Variants in TXNL4A observed in about 807,000 individuals in gnomAD.
TXNL4A encodes the protein thioredoxin-like protein 4A.
Under a neutral mutation model 14.6 loss-of-function variants are expected in TXNL4A, and 17 were observed. The ratio of observed to expected loss-of-function variants is 1.16; its 90% CI spans 0.80 to 1.74. The LOEUF (loss-of-function observed/expected upper bound fraction) is 1.74. Ranked by LOEUF, TXNL4A falls within the 40% of genes most tolerant of loss-of-function variation. TXNL4A has a pLI of 0.00. For missense variants in TXNL4A, 74 were observed against 195.2 expected (o/e 0.38, Z 3.70); for synonymous variants, 83 against 70.6 (o/e 1.18, Z -0.88).
intron 1 of TXNL4A, among the ~76,000 whole-genome samples, chr18:79,978,559 T>A (rs1343053526): frequency 2.0e-5 from 3 of 152,102 alleles, no homozygotes; most frequent in East Asian, 1.9e-4. Context: ...AGTGGCAAGA[T>A]CTTGGCTCAC....
At chr18:80,002,941 T>G (rs1033748915) in intron 1 of TXNL4A, among the ~76,000 whole-genome samples, 7 of 151,902 alleles carry the variant, frequency 4.6e-5, no homozygotes, top group Admixed American at 1.3e-4. Context: ...CAGCAACAGG[T>G]GAGGGACAGG....
chr18:80,002,030 C>T (rs975381714), intron 1 of TXNL4A, among the ~76,000 whole-genome samples: 1 of 152,264 alleles, frequency 6.6e-6, no homozygotes, highest in African/African-American at 2.4e-5. Flanking sequence ...TCATAATTTC[C>T]ATGTGTTTTG....
rs1247549634 is a variant in TXNL4A at position 79,982,168 on chromosome 18, GAC to G, written c.154-4469_154-4468del. Among the ~76,000 whole-genome samples the G allele has an allele frequency of 5.3e-5, 8 of 152,134 alleles. No homozygotes were observed. The highest frequency in any genetic ancestry group is 1.2e-4 in the Non-Finnish European group (8 of 68,032). ...AGAGAATTCCATGTGTAAAGAGAAAGACACAAGACCAGCAGCCAGGTCTCAGA... is the reference window on the plus strand; with the variant it reads ...AGAGAATTCCATGTGTAAAGAGAAAGACAAGACCAGCAGCCAGGTCTCAGA... On this transcript the variant is annotated intron_variant, in intron 1 of 2. Transcript: ENST00000269601. The surrounding 1 kb of genome is among the most constrained non-coding windows in gnomAD (Gnocchi z 4.0).
chr18:79,987,379 C>T (rs368059288), intron 1 of TXNL4A, among the ~76,000 whole-genome samples: 7 of 152,152 alleles, frequency 4.6e-5, no homozygotes, highest in Admixed American at 6.6e-5. Flanking sequence ...TAACCCAGGC[C>T]TACTTTTTAG....
intron 1 of TXNL4A, among the ~76,000 whole-genome samples, chr18:80,012,071 T>C (rs2051773816): frequency 6.6e-6 from 1 of 152,130 alleles, no homozygotes. Flanking sequence ...AAACTCTTAC[T>C]CTGTCTCTTT....
chr18:80,013,312 C>T (rs766027107), intron 1 of TXNL4A, among the ~76,000 whole-genome samples: 56 of 151,116 alleles, frequency 3.7e-4, no homozygotes, highest in Non-Finnish European at 5.3e-4. Context: ...TTAGTAGAGA[C>T]GGGGTTTCAC....
rs1168740470 is a variant in TXNL4A at position 80,008,658 on chromosome 18, C to A, written c.-61+25193G>T. The stretch of plus-strand genomic sequence containing the variant: ...TTCCCCCCGTTCTCCTCCACCCCAC[C>A]CCACTTCAGGCAATTCTGAGTGGTA... On this transcript the variant is annotated intron_variant, in intron 1 of 2. Transcript: ENST00000585474. Among the ~76,000 whole-genome samples, 4 of 152,148 alleles carry A rather than the reference C, an allele frequency of 2.6e-5. 1 individual carries two copies. The East Asian group carries it at 7.7e-4, about 29-fold the overall frequency.
At chr18:80,015,825 T>A (rs1386043231) in intron 1 of TXNL4A, among the ~76,000 whole-genome samples, 1 of 147,224 alleles carries the variant, frequency 6.8e-6, no homozygotes, top group Non-Finnish European at 1.5e-5. Flanking sequence ...TAAACATATG[T>A]GTGCATGTGT....
At chr18:79,986,201 G>A (rs747917041) in intron 1 of TXNL4A, among the ~76,000 whole-genome samples, 3 of 151,986 alleles carry the variant, frequency 2.0e-5, no homozygotes, top group African/African-American at 4.8e-5. Context: ...CACCACGCCC[G>A]GCATTTGTAC....
At chr18:79,996,664 A>C (rs4799118) in intron 1 of TXNL4A, among the ~76,000 whole-genome samples, 119,442 of 152,228 alleles carry the variant, frequency 0.78, 47,583 homozygotes, top group East Asian at 0.91. Context: ...TCCTGACAGC[A>C]GGATGCAGTC....
At chr18:80,007,754 T>C (rs1055501543) in intron 1 of TXNL4A, among the ~76,000 whole-genome samples, 3 of 152,144 alleles carry the variant, frequency 2.0e-5, no homozygotes, top group Non-Finnish European at 4.4e-5. Flanking sequence ...TTCTTTCTAG[T>C]TCCTGTATCA....
intron 1 of TXNL4A, among the ~76,000 whole-genome samples, chr18:80,017,786 T>G (rs922267487): frequency 6.6e-6 from 1 of 152,142 alleles, no homozygotes; most frequent in Admixed American, 6.5e-5. Context: ...TGAGGATTTT[T>G]ACATCAATGT....
upstream of TXNL4A, among the ~76,000 whole-genome samples, chr18:79,993,321 A>T (rs78283076): frequency 2.9e-5 from 1 of 34,674 alleles, no homozygotes; most frequent in Non-Finnish European, 5.5e-5. The surrounding 1 kb of genome is among the most constrained non-coding windows in gnomAD (Gnocchi z 4.4). Context: ...TTTGCTGTTT[A>T]AAAAAAAAAA....
chr18:79,977,369 A>G lies in TXNL4A; in HGVS notation c.257+229T>C. On this transcript the variant is annotated intron_variant, in intron 2 of 2. Coordinates refer to ENST00000269601, the MANE Select transcript of TXNL4A (RefSeq NM_006701.5). Reference sequence around the variant, plus strand: ...TTACACTTCACCTAGGTTTCCCCGCAAAGTTATTTCAAAAGGGTAATTTGT... The same window carrying G: ...TTACACTTCACCTAGGTTTCCCCGCGAAGTTATTTCAAAAGGGTAATTTGT... The G allele has an allele frequency of 5.6e-6, 3 of 535,212 alleles. No individual in the cohort carries two copies. In the South Asian group the frequency reaches 8.6e-5, roughly 15 times the overall value. 33.2% of individuals were successfully genotyped at this position (535,212 alleles called of 1,614,324 possible). A position where few individuals can be genotyped will look rare whatever the true frequency, so the allele number is the denominator to read the frequency against.
At chr18:79,985,871 A>C (rs149503435) in intron 1 of TXNL4A, 2 of 152,364 alleles carry the variant, frequency 1.3e-5, no homozygotes, top group African/African-American at 2.4e-5. Flanking sequence ...CCATTTCTGC[A>C]CAGGGAAATT....
intron 1 of TXNL4A, chr18:79,979,350 A>G (rs1200498990): frequency 6.6e-6 from 1 of 152,186 alleles, no homozygotes; most frequent in African/African-American, 2.4e-5. Context: ...TATAGTTTGG[A>G]TATTTGTCCC....
chr18:79,975,272 G>A (rs928519614), intron 2 of TXNL4A, among the ~76,000 whole-genome samples: 1 of 152,178 alleles, frequency 6.6e-6, no homozygotes, highest in Non-Finnish European at 1.5e-5. Context: ...TCTGACATTA[G>A]GCTCCACCAC....
At position 79,982,540 on chromosome 18, in the gene TXNL4A, A is replaced by G. The variant is rs1362934200; in HGVS notation, c.154-4839T>C. On this transcript the variant is annotated intron_variant, in intron 1 of 2. Coordinates refer to ENST00000269601, the MANE Select transcript of TXNL4A (RefSeq NM_006701.5). This position sits in a 1 kb window ranked among gnomAD's most constrained non-coding sequence, Gnocchi z 4.0. ...AGAAGCCCACTGTAGAGTTGGGGGCAGGAAAGGGATGCCAAGGAGGCAGTC... is the reference window on the plus strand; with the variant it reads ...AGAAGCCCACTGTAGAGTTGGGGGCGGGAAAGGGATGCCAAGGAGGCAGTC... Among the ~76,000 whole-genome samples the G allele has an allele frequency of 6.6e-6, 1 of 152,154 alleles. No individual in the cohort carries two copies. The highest frequency in any genetic ancestry group is 6.5e-5 in the Admixed American group (1 of 15,270).
At chr18:80,001,451 C>T (rs1337195331) in intron 1 of TXNL4A, among the ~76,000 whole-genome samples, 1 of 152,130 alleles carries the variant, frequency 6.6e-6, no homozygotes, top group African/African-American at 2.4e-5. Flanking sequence ...CACTGTCCTC[C>T]AAACCCCACA....
Sources: gnomAD v4.1 joint callset for allele counts (sites outside exome capture counted in the v4.1 genomes callset) on GRCh38, gnomAD v4.1.1 for gene constraint, Gnocchi (gnomAD v3.1) non-coding constraint, MANE v1.5 for transcripts, NCBI Gene and HGNC (gene_info 2026-07-23, HGNC 2026-07-21) for gene names.